Variants in KIF6 observed in about 807,000 individuals in gnomAD.
KIF6 encodes kinesin family member 6.
A neutral mutation model predicts 112.7 loss-of-function variants in KIF6; 106 were observed. That is an observed-to-expected ratio of 0.94 (90% CI 0.80 to 1.11). The LOEUF (loss-of-function observed/expected upper bound fraction) is 1.11. Ranked by LOEUF, KIF6 falls within the 50% of genes least tolerant of loss-of-function variation. The pLI, the probability that KIF6 is intolerant of heterozygous loss-of-function variation, is 0.00. For synonymous variants in KIF6, 339 were observed against 339.9 expected (o/e 1.00, Z 0.03); for missense variants, 929 against 964.0 (o/e 0.96, Z 0.48).
chr6:39,489,854 C>G (rs569552891), intron 13 of KIF6, among the ~76,000 whole-genome samples: 1 of 152,202 alleles, frequency 6.6e-6, no homozygotes, highest in Admixed American at 6.5e-5. Flanking sequence ...AGAGAATTCT[C>G]CAGGGAATGA....
At chr6:39,360,071 G>A (rs2150256588) in intron 18 of KIF6, among the ~76,000 whole-genome samples, 1 of 152,216 alleles carries the variant, frequency 6.6e-6, no homozygotes, top group East Asian at 1.9e-4. Flanking sequence ...ATATGACTAT[G>A]ATAAGAAAAA....
At chr6:39,484,159 C>T (rs901639577) in intron 13 of KIF6, among the ~76,000 whole-genome samples, 7 of 152,176 alleles carry the variant, frequency 4.6e-5, no homozygotes, top group Admixed American at 3.3e-4. Flanking sequence ...TGGCCGTTTC[C>T]ATCTCATCTC....
chr6:39,687,262 C>T (rs115065952), intron 3 of KIF6, among the ~76,000 whole-genome samples: 2,141 of 152,206 alleles, frequency 0.014, 53 homozygotes, highest in African/African-American at 0.049. Context: ...AACAAAATGA[C>T]GACTACATCA....
intron 16 of KIF6, among the ~76,000 whole-genome samples, chr6:39,371,938 G>A (rs942680310): frequency 2.0e-5 from 3 of 152,126 alleles, no homozygotes; most frequent in Non-Finnish European, 4.4e-5. Flanking sequence ...ATTCAAGTGA[G>A]ATTTTACCAA....
At chr6:39,570,966 A>G (rs529435631) in intron 10 of KIF6, among the ~76,000 whole-genome samples, 16 of 152,302 alleles carry the variant, frequency 1.1e-4, no homozygotes, top group Non-Finnish European at 5.9e-5. Context: ...AGAATTTCCT[A>G]ACTGACTCTT....
At chr6:39,542,441 C>T (rs1440268887) in intron 12 of KIF6, among the ~76,000 whole-genome samples, 2 of 152,152 alleles carry the variant, frequency 1.3e-5, no homozygotes, top group African/African-American at 2.4e-5. Context: ...GATCTGATGT[C>T]GTTCGCAGTC....
chr6:39,572,319 GT>G (rs1386079822), intron 10 of KIF6, among the ~76,000 whole-genome samples: 1 of 152,052 alleles, frequency 6.6e-6, no homozygotes, highest in African/African-American at 2.4e-5. Flanking sequence ...GTATATATGT[GT>G]CTGTAAGTTT....
In KIF6 at chr6:39,361,580, A is replaced by G. The variant is rs1204644886; in HGVS notation, c.1946+854T>C. ...TCTCAAAAAAAAAAAAAAAAAAAAAAGCGGGGGGTGTTGGAAAGAAACTAA... is the reference window on the plus strand; with the variant it reads ...TCTCAAAAAAAAAAAAAAAAAAAAAGGCGGGGGGTGTTGGAAAGAAACTAA... On this transcript the variant is annotated intron_variant, in intron 17 of 22. Transcript: ENST00000287152. Among the ~76,000 whole-genome samples, 96 of 146,040 alleles carry G rather than the reference A, an allele frequency of 6.6e-4. 3 individuals carry two copies. The highest frequency in any genetic ancestry group is 2.7e-4 in the Admixed American group (4 of 14,728).
intron 10 of KIF6, among the ~76,000 whole-genome samples, chr6:39,546,192 A>T (rs1245597918): frequency 6.6e-6 from 1 of 152,034 alleles, no homozygotes; most frequent in Non-Finnish European, 1.5e-5. Flanking sequence ...CTGTCAATAA[A>T]GTCACTTCTT....
chr6:39,626,381 A>G (rs1021377711), intron 5 of KIF6, among the ~76,000 whole-genome samples: 1 of 152,146 alleles, frequency 6.6e-6, no homozygotes, highest in Non-Finnish European at 1.5e-5. Context: ...CCTAGAAACC[A>G]CAGTCTGCTT....
rs917751630 is a variant in KIF6, at chr6:39,362,364, G to A, written c.1946+70C>T. The A allele has an allele frequency of 3.2e-5, 37 of 1,163,488 alleles. No homozygotes were observed. The East Asian group carries it at 8.0e-4, about 25-fold the overall frequency. 72.1% of individuals were successfully genotyped at this position (1,163,488 alleles called of 1,614,324 possible). A position where few individuals can be genotyped will look rare whatever the true frequency, so the allele number is the denominator to read the frequency against. ...CATCCCTGAGTAGCTGCAGCCCTGGGAAGCTCCAGGACGACACTGAGACCC... is the reference window on the plus strand; with the variant it reads ...CATCCCTGAGTAGCTGCAGCCCTGGAAAGCTCCAGGACGACACTGAGACCC... On this transcript the variant is annotated intron_variant, in intron 17 of 22. Coordinates refer to ENST00000287152, the MANE Select transcript of KIF6 (RefSeq NM_145027.6).
intron 13 of KIF6, among the ~76,000 whole-genome samples, chr6:39,510,575 C>T (rs1165187720): frequency 2.0e-5 from 3 of 152,186 alleles, no homozygotes; most frequent in Non-Finnish European, 4.4e-5. Context: ...ACAACTGGTA[C>T]CAGCAACTGC....
At chr6:39,605,834 T>C (rs1782854911) in intron 6 of KIF6, among the ~76,000 whole-genome samples, 1 of 152,152 alleles carries the variant, frequency 6.6e-6, no homozygotes, top group Non-Finnish European at 1.5e-5. Context: ...TCTTTAGCTT[T>C]GTAATTTAGT....
intron 13 of KIF6, among the ~76,000 whole-genome samples, chr6:39,486,108 G>A (rs1366143857): frequency 1.3e-5 from 2 of 152,236 alleles, no homozygotes; most frequent in Admixed American, 6.5e-5. Flanking sequence ...CCATCAATGA[G>A]TGAACTCTAT....
chr6:39,346,555 G>T (rs752707041), intron 19 of KIF6, 29 bp from the exon 20 acceptor site: 1 of 693,170 alleles, frequency 1.4e-6, no homozygotes. Flanking sequence ...TGTTGTTTGA[G>T]CCACTCAGTC....
intron 15 of KIF6, among the ~76,000 whole-genome samples, chr6:39,403,909 A>G (rs1236381044): frequency 6.6e-6 from 1 of 152,210 alleles, no homozygotes; most frequent in Non-Finnish European, 1.5e-5. Context: ...ATGAGGGGGA[A>G]CATTTTTGCA....
intron 3 of KIF6, among the ~76,000 whole-genome samples, chr6:39,670,338 T>C (rs1175758676): frequency 6.6e-6 from 1 of 152,226 alleles, no homozygotes; most frequent in African/African-American, 2.4e-5. Flanking sequence ...AACTTTTGAC[T>C]CTACAGAAAC....
At chr6:39,494,450 C>A (rs542354360) in intron 13 of KIF6, among the ~76,000 whole-genome samples, 2 of 152,212 alleles carry the variant, frequency 1.3e-5, no homozygotes, top group South Asian at 4.1e-4. Context: ...GGTTAAATAA[C>A]CATAGGCATT....
chr6:39,396,132 A>G (rs1220375885), intron 15 of KIF6, among the ~76,000 whole-genome samples: 1 of 152,172 alleles, frequency 6.6e-6, no homozygotes, highest in East Asian at 1.9e-4. Flanking sequence ...ATGATGTGGG[A>G]ATTGTTCTCC....
Sources: allele counts gnomAD v4.1 joint callset (sites outside exome capture counted in the v4.1 genomes callset), GRCh38; gene constraint gnomAD v4.1.1; transcripts MANE v1.5; gene names NCBI Gene and HGNC (gene_info 2026-07-23, HGNC 2026-07-21).